NTM: variants seen among roughly 807,000 people sequenced by gnomAD.
The protein encoded by NTM is IgLON family member 2.
Under a neutral mutation model 42.1 loss-of-function variants are expected in NTM, and 13 were observed. The observed-to-expected ratio is 0.31, with a 90% CI of 0.20 to 0.49. The LOEUF (loss-of-function observed/expected upper bound fraction) is 0.49, where lower values mean the gene tolerates loss of function less well. Ranked by LOEUF, NTM falls within the 20% of genes least tolerant of loss-of-function variation. The pLI is 0.99. For synonymous variants in NTM, 187 were observed against 179.2 expected, an observed-to-expected ratio of 1.04 and a Z score of -0.35; for missense variants, 373 against 452.8, an observed-to-expected ratio of 0.82 and a Z score of 1.60.
At chr11:131,663,909 G>T (rs185931023) in intron 1 of NTM, among the ~76,000 whole-genome samples, 6 of 152,268 alleles carry the variant, frequency 3.9e-5, no homozygotes, top group Non-Finnish European at 8.8e-5. Context: ...TTTGCCCAAG[G>T]TCACATGACC....
At chr11:131,766,203 A>G (rs1415734186) in intron 1 of NTM, among the ~76,000 whole-genome samples, 1 of 152,150 alleles carries the variant, frequency 6.6e-6, no homozygotes, top group Non-Finnish European at 1.5e-5. Flanking sequence ...ATGTGTCCAT[A>G]TATGCCCTTT....
Position 131,860,826 on chromosome 11 carries a change from T to C in NTM, c.83-50738T>C, listed in dbSNP as rs542706295. On this transcript the variant is annotated intron_variant, in intron 1 of 8. Coordinates refer to ENST00000683400, the MANE Select transcript of NTM (RefSeq NM_001352005.2). The stretch of plus-strand genomic sequence containing the variant: ...ATCTTTCTGATTTGCACAACCTTCA[T>C]GGACACACGTTTATCTCCCTGTCTC... Among the ~76,000 whole-genome samples, 82 of 152,328 alleles carry C rather than the reference T, an allele frequency of 5.4e-4. 1 individual carries two copies. Among genetic ancestry groups the C allele is most frequent in the Non-Finnish European group, 6.6e-4 (45 of 68,038 alleles).
intron 1 of NTM, among the ~76,000 whole-genome samples, chr11:131,753,432 C>T (rs994893818): frequency 1.3e-5 from 2 of 152,108 alleles, no homozygotes; most frequent in Non-Finnish European, 2.9e-5. Context: ...GCTATAAAGA[C>T]ACATGCACAC....
At chr11:131,464,593 C>G (rs1185387100) in intron 1 of NTM, among the ~76,000 whole-genome samples, 1 of 152,178 alleles carries the variant, frequency 6.6e-6, no homozygotes, top group Non-Finnish European at 1.5e-5. Context: ...TCCCCAACTC[C>G]CAATTTGGCA....
At chr11:131,602,711 C>T (rs2060596619) in intron 1 of NTM, among the ~76,000 whole-genome samples, 1 of 152,290 alleles carries the variant, frequency 6.6e-6, no homozygotes, top group African/African-American at 2.4e-5. Context: ...CACTTGGACA[C>T]CTTTCAGAAA....
chr11:132,113,367 A>G (rs1212821855), intron 2 of NTM, among the ~76,000 whole-genome samples: 1 of 152,178 alleles, frequency 6.6e-6, no homozygotes, highest in African/African-American at 2.4e-5. Context: ...ACAAAGAGGA[A>G]AGCTATCTTA....
At chr11:131,735,138 A>AG (rs1190890276) in intron 1 of NTM, among the ~76,000 whole-genome samples, 1 of 152,180 alleles carries the variant, frequency 6.6e-6, no homozygotes, top group African/African-American at 2.4e-5. Context: ...TGCAAGGCGG[A>AG]GGGGGGAAAG....
intron 1 of NTM, among the ~76,000 whole-genome samples, chr11:131,398,221 C>T (rs1944764305): frequency 1.3e-5 from 2 of 152,140 alleles, no homozygotes; most frequent in South Asian, 4.1e-4. Flanking sequence ...TTCATGACTG[C>T]AGTTGGATTT....
chr11:131,382,677 T>C (rs1326620772), intron 1 of NTM, among the ~76,000 whole-genome samples: 1 of 152,182 alleles, frequency 6.6e-6, no homozygotes, highest in Non-Finnish European at 1.5e-5. Flanking sequence ...ACTTATCTTA[T>C]CGTGGCATCC....
At chr11:131,421,962 G>A (rs1025627733) in intron 1 of NTM, among the ~76,000 whole-genome samples, 1 of 152,238 alleles carries the variant, frequency 6.6e-6, no homozygotes, top group Admixed American at 6.5e-5. Flanking sequence ...TAACTGTTCT[G>A]ATGTCCTGTG....
intron 2 of NTM, among the ~76,000 whole-genome samples, chr11:132,122,588 A>G (rs76624974): frequency 0.021 from 3,234 of 152,278 alleles, 50 homozygotes; most frequent in Admixed American, 0.034. Context: ...CTTGTCTGAT[A>G]AAAGTGGTGC....
chr11:131,389,024 A>AAAAAAAAAAAAAAAAAGAAAAGAAAAG (rs774146196), intron 1 of NTM, among the ~76,000 whole-genome samples: 6 of 89,900 alleles, frequency 6.7e-5, no homozygotes, highest in Non-Finnish European at 8.5e-5. Context: ...AAAAAAAAAA[A>AAAAAAAAAAAAAAAAAGAAAAGAAAAG]AAAAGAAAAG....
intron 1 of NTM, among the ~76,000 whole-genome samples, chr11:131,727,507 T>A (rs976588055): frequency 2.6e-5 from 4 of 151,686 alleles, no homozygotes; most frequent in Non-Finnish European, 4.4e-5. Flanking sequence ...TAATGCTGAT[T>A]AGGTGAGTTA....
chr11:132,060,262 C>T (rs2080434789), intron 2 of NTM, among the ~76,000 whole-genome samples: 1 of 152,240 alleles, frequency 6.6e-6, no homozygotes, highest in Admixed American at 6.5e-5. Flanking sequence ...TTACAAGTCT[C>T]TTTCCTGTTT....
chr11:132,204,482 G>A (rs1224371045), intron 3 of NTM, among the ~76,000 whole-genome samples: 1 of 152,190 alleles, frequency 6.6e-6, no homozygotes, highest in African/African-American at 2.4e-5. Context: ...TAGCAAGCCA[G>A]GCAGGCTGGG....
chr11:131,515,338 G>A (rs573717530), intron 1 of NTM, among the ~76,000 whole-genome samples: 21 of 152,280 alleles, frequency 1.4e-4, no homozygotes, highest in Non-Finnish European at 2.4e-4. Flanking sequence ...AGAACTCAGC[G>A]TGGGGAAATC....
chr11:131,822,474 C>G (rs2136432187), intron 1 of NTM, among the ~76,000 whole-genome samples: 1 of 152,250 alleles, frequency 6.6e-6, no homozygotes, highest in South Asian at 2.1e-4. Context: ...AATTACCCAC[C>G]TGTCAAATAC....
intron 1 of NTM, among the ~76,000 whole-genome samples, chr11:131,420,224 C>G (rs1304734369): frequency 6.6e-6 from 1 of 152,078 alleles, no homozygotes; most frequent in African/African-American, 2.4e-5. Context: ...CCAGATGAAC[C>G]TGATGCAATG....
chr11:132,251,313 A>G (rs2091914487), intron 4 of NTM, among the ~76,000 whole-genome samples: 1 of 152,218 alleles, frequency 6.6e-6, no homozygotes, highest in Non-Finnish European at 1.5e-5. Flanking sequence ...CCCTCAGGTC[A>G]GGAACCAGCT....
Sources: allele counts gnomAD v4.1 joint callset (sites outside exome capture counted in the v4.1 genomes callset), GRCh38; gene constraint gnomAD v4.1.1; transcripts MANE v1.5; gene names NCBI Gene and HGNC (gene_info 2026-07-23, HGNC 2026-07-21).